APP: variants seen among roughly 807,000 people sequenced by gnomAD.
APP encodes the protein amyloid-beta precursor protein.
A neutral mutation model predicts 101.4 loss-of-function variants in APP; 31 were observed. The ratio of observed to expected loss-of-function variants is 0.31; its 90% CI spans 0.23 to 0.41. The LOEUF (loss-of-function observed/expected upper bound fraction) is 0.41. Ranked by LOEUF, APP falls within the 10% of genes least tolerant of loss-of-function variation. The pLI is 1.00. For missense variants in APP, 839 were observed against 1,003.7 expected (o/e 0.84, Z 2.22); for synonymous variants, 366 against 364.4 (o/e 1.00, Z -0.05).
intron 1 of APP, among the ~76,000 whole-genome samples, chr21:26,163,896 C>A (rs2063550973): frequency 6.6e-6 from 1 of 152,186 alleles, no homozygotes; most frequent in African/African-American, 2.4e-5. Context: ...AATTAAACAG[C>A]AGATCACTAT....
chr21:25,914,646 C>T (rs1391884634), intron 13 of APP, among the ~76,000 whole-genome samples: 3 of 151,352 alleles, frequency 2.0e-5, no homozygotes, highest in East Asian at 1.9e-4. Flanking sequence ...CTCCGCCTCC[C>T]GGGTTGACGC....
At position 25,997,420 on chromosome 21, in the gene APP, T is replaced by C. The variant is rs755295458; in HGVS notation, c.1034-4A>G. 1 of 1,611,290 alleles carries C rather than the reference T, an allele frequency of 6.2e-7. No individual in the cohort carries two copies. Among genetic ancestry groups the C allele is most frequent in the Non-Finnish European group, 8.5e-7 (1 of 1,177,718 alleles). ...GTCTTGAGTAAACTTTGGGACACTA[T>C]GGAAAAAATAAGAGAACATAACTAA... On this transcript the variant is annotated splice_region_variant and splice_polypyrimidine_tract_variant and intron_variant, in intron 7 of 17. Coordinates refer to ENST00000346798, the MANE Select transcript of APP (RefSeq NM_000484.4).
chr21:26,098,376 T>C (rs2061992505), intron 2 of APP, among the ~76,000 whole-genome samples: 1 of 151,978 alleles, frequency 6.6e-6, no homozygotes, highest in South Asian at 2.1e-4. Flanking sequence ...AGATGACATT[T>C]AAGTTGCTAA....
intron 8 of APP, among the ~76,000 whole-genome samples, chr21:25,991,678 G>A (rs547458231): frequency 2.2e-4 from 33 of 152,262 alleles, no homozygotes; most frequent in African/African-American, 7.7e-4. Flanking sequence ...GCACCCAGCT[G>A]CTGGCTACTT....
rs142311537 is a variant in APP at position 26,105,598 on chromosome 21, T to C, written c.225+6381A>G. Reference sequence around the variant, plus strand: ...CAAGCCTACAAATGAGAACTATTCATTATTTCTAATTATAAAAGAAAAACA... The same window carrying C: ...CAAGCCTACAAATGAGAACTATTCACTATTTCTAATTATAAAAGAAAAACA... On this transcript the variant is annotated intron_variant, in intron 2 of 17. Transcript: ENST00000346798. 3.6e-3 allele frequency among the ~76,000 whole-genome samples: 545 copies of C among 152,024 alleles called. 6 individuals carry two copies. Among genetic ancestry groups the C allele is most frequent in the Non-Finnish European group, 2.8e-3 (190 of 67,978 alleles).
intron 13 of APP, among the ~76,000 whole-genome samples, chr21:25,924,676 C>A (rs2146366560): frequency 6.6e-6 from 1 of 151,842 alleles, no homozygotes; most frequent in Non-Finnish European, 1.5e-5. Flanking sequence ...GAGTTAAAAC[C>A]TAGATGACGG....
intron 15 of APP, among the ~76,000 whole-genome samples, chr21:25,898,464 G>C (rs912385656): frequency 6.6e-6 from 1 of 152,178 alleles, no homozygotes; most frequent in African/African-American, 2.4e-5. Context: ...GTAAATGTCA[G>C]TGTCCATGCT....
intron 17 of APP, among the ~76,000 whole-genome samples, chr21:25,888,555 C>T (rs184107793): frequency 1.6e-3 from 242 of 152,238 alleles, no homozygotes; most frequent in Non-Finnish European, 2.7e-3. Flanking sequence ...ATAAACAAAA[C>T]AAACACGAAT....
intron 17 of APP, among the ~76,000 whole-genome samples, chr21:25,890,039 A>AG: frequency 6.6e-6 from 1 of 152,238 alleles, no homozygotes; most frequent in Non-Finnish European, 1.5e-5. Flanking sequence ...ATGAAAACCT[A>AG]TCTTACACTG....
intron 5 of APP, among the ~76,000 whole-genome samples, chr21:26,031,682 C>A (rs1601268234): frequency 7.1e-6 from 1 of 140,414 alleles, no homozygotes; most frequent in East Asian, 2.1e-4. Context: ...AGAAGATCAG[C>A]CCCCATGAAT....
At chr21:26,116,364 A>G (rs1395062607) in intron 1 of APP, among the ~76,000 whole-genome samples, 3 of 152,246 alleles carry the variant, frequency 2.0e-5, no homozygotes, top group Admixed American at 6.5e-5. Context: ...AATGGCTTTA[A>G]AAGAGGCTTA....
rs3084256 is a variant in APP, at chr21:25,998,791, C to CAAAT, written c.1033+1220_1033+1223dup. Reference sequence around the variant, plus strand: ...ACTTCCTACTCATGAACAACAACAACAAATAAATAAATAAATAAATAAATA... The same window carrying CAAAT: ...ACTTCCTACTCATGAACAACAACAACAAATAAATAAATAAATAAATAAATAAATA... On this transcript the variant is annotated intron_variant, in intron 7 of 17. Transcript: ENST00000346798. Among the ~76,000 whole-genome samples the CAAAT allele has an allele frequency of 3.6e-3, 553 of 151,744 alleles. 3 individuals carry two copies. Among genetic ancestry groups the CAAAT allele is most frequent in the Middle Eastern group, 0.01 (3 of 292 alleles).
chr21:26,167,691 T>G (rs1439664498), intron 1 of APP, among the ~76,000 whole-genome samples: 1 of 152,232 alleles, frequency 6.6e-6, no homozygotes, highest in Non-Finnish European at 1.5e-5. Flanking sequence ...CTTTTTAATT[T>G]TTTTGAATCA....
chr21:25,920,648 T>A (rs2146351273), intron 13 of APP, among the ~76,000 whole-genome samples: 1 of 151,692 alleles, frequency 6.6e-6, no homozygotes, highest in African/African-American at 2.4e-5. Flanking sequence ...TACATAATGG[T>A]AAAGGGATCA....
chr21:26,048,733 G>A (rs183942493), intron 5 of APP, among the ~76,000 whole-genome samples: 1 of 152,194 alleles, frequency 6.6e-6, no homozygotes, highest in East Asian at 1.9e-4. Context: ...GTAAAGCAAG[G>A]GTAGTATAGC....
intron 6 of APP, among the ~76,000 whole-genome samples, chr21:26,016,785 T>C (rs1463655464): frequency 1.3e-5 from 2 of 152,282 alleles, no homozygotes; most frequent in South Asian, 2.1e-4. Context: ...TTAGCCAGGA[T>C]GGCCTTAATC....
intron 14 of APP, among the ~76,000 whole-genome samples, chr21:25,910,735 T>C (rs941498916): frequency 6.6e-6 from 1 of 152,248 alleles, no homozygotes; most frequent in African/African-American, 2.4e-5. Context: ...TTTAGAGCAA[T>C]GTGCTCCTTA....
At chr21:26,084,103 TGTCCTGA>T (rs2061652370) in intron 3 of APP, among the ~76,000 whole-genome samples, 1 of 151,994 alleles carries the variant, frequency 6.6e-6, no homozygotes, top group Non-Finnish European at 1.5e-5. Flanking sequence ...ACTCATCCTC[TGTCCTGA>T]GTTTTAGAAA....
chr21:26,135,328 AGCCACATTATAT>A (rs1424785392), intron 1 of APP, among the ~76,000 whole-genome samples: 1 of 152,224 alleles, frequency 6.6e-6, no homozygotes, highest in African/African-American at 2.4e-5. Flanking sequence ...GGTTGAAAAC[AGCCACATTATAT>A]GCACGACTTC....
Sources: allele counts gnomAD v4.1 joint callset (sites outside exome capture counted in the v4.1 genomes callset), GRCh38; gene constraint gnomAD v4.1.1; transcripts MANE v1.5; gene names NCBI Gene and HGNC (gene_info 2026-07-23, HGNC 2026-07-21).